Variants in PHC2 observed in about 807,000 individuals in gnomAD.
PHC2 encodes the protein polyhomeotic-like protein 2.
PHC2 carries 29 observed loss-of-function variants against 87.4 expected under a neutral mutation model. That is an observed-to-expected ratio of 0.33 (90% confidence interval 0.25 to 0.45). PHC2 has a LOEUF of 0.45. PHC2 is among the 20% of genes least tolerant of loss of function. The pLI is 1.00. For synonymous variants in PHC2, 438 were observed against 461.7 expected (o/e 0.95, Z 0.66); for missense variants, 857 against 1,136.7 (o/e 0.75, Z 3.54).
At chr1:33,338,550 CCT>C (rs1646684388) in intron 9 of PHC2, among the ~76,000 whole-genome samples, 1 of 152,218 alleles carries the variant, frequency 6.6e-6, no homozygotes, top group Admixed American at 6.5e-5. Context: ...AATCTCGCCC[CCT>C]GCCAAGCTCA....
intron 9 of PHC2, among the ~76,000 whole-genome samples, chr1:33,341,734 A>G (rs1253185741): frequency 6.6e-6 from 1 of 152,258 alleles, no homozygotes; most frequent in Non-Finnish European, 1.5e-5. Context: ...TACAGATTGT[A>G]AAAGTGTGCA....
intron 10 of PHC2, 194 bp downstream of exon 10, chr1:33,333,896 C>T: frequency 1.7e-6 from 1 of 577,544 alleles, no homozygotes; most frequent in Non-Finnish European, 3.0e-6. Context: ...TATTCCTGAT[C>T]ACTGACCCCC....
chr1:33,323,651 AAAC>A lies in PHC2; in HGVS notation c.*1211_*1213del, dbSNP rs1286598980. On this transcript the variant is annotated 3_prime_UTR_variant, in exon 15 of 15. Coordinates refer to ENST00000683057, the MANE Select transcript of PHC2 (RefSeq NM_001385109.1). ...CAGATTTTACAGATTTATTTTTAAA[AAAC>A]AAAACAAAGGTTAAAAAAGTCCTTC... 3 of 152,476 alleles carry A rather than the reference AAAC, an allele frequency of 2.0e-5. No individual in the cohort carries two copies. Among genetic ancestry groups the A allele is most frequent in the Non-Finnish European group, 2.9e-5 (2 of 68,044 alleles). The allele number at this position is 152,476 out of a possible 1,614,324, so 9.4% of individuals were successfully genotyped here. A position where few individuals can be genotyped will look rare whatever the true frequency, so the allele number is the denominator to read the frequency against.
intron 7 of PHC2, among the ~76,000 whole-genome samples, chr1:33,355,817 A>G (rs1647060242): frequency 6.6e-6 from 1 of 152,238 alleles, no homozygotes; most frequent in Non-Finnish European, 1.5e-5. Flanking sequence ...TTATATACCA[A>G]GGGACCTGGA....
rs1647343961 is a variant in PHC2 at position 33,364,648 on chromosome 1, A to G, written c.976+2468T>C. Among the ~76,000 whole-genome samples, 1 of 152,054 alleles carries G rather than the reference A, an allele frequency of 6.6e-6. No individual in the cohort carries two copies. The highest frequency in any genetic ancestry group is 2.1e-4 in the South Asian group (1 of 4,828). On this transcript the variant is annotated intron_variant, in intron 7 of 14. Coordinates refer to ENST00000683057, the MANE Select transcript of PHC2 (RefSeq NM_001385109.1). This position sits in a 1 kb window ranked among gnomAD's most constrained non-coding sequence, Gnocchi z 4.1. ...CTAAAACTCCCCAGCTGCCTTCCAT[A>G]TGGGAGGTGGGAGTGGGGCAGCGCC...
Position 33,349,892 on chromosome 1 carries a change from G to C in PHC2, c.1558+4509C>G, listed in dbSNP as rs1418997747. The C allele has an allele frequency of 1.0e-6, 1 of 976,598 alleles. No homozygotes were observed. Among genetic ancestry groups the C allele is most frequent in the African/African-American group, 1.8e-5 (1 of 55,938 alleles). 60.5% of individuals were successfully genotyped at this position (976,598 alleles called of 1,614,324 possible). A position where few individuals can be genotyped will look rare whatever the true frequency, so the allele number is the denominator to read the frequency against. On this transcript the variant is annotated intron_variant, in intron 9 of 14. Transcript: ENST00000683057. This position sits in a 1 kb window ranked among gnomAD's most constrained non-coding sequence, Gnocchi z 4.2. ...GCTCGAGGGCTGCAGCCGCCGCGGA[G>C]ACAATGCGGCGAGTCTGGGACGGCT... is the stretch of plus-strand genomic sequence containing the variant.
chr1:33,410,655 G>C (rs902485108), intron 1 of PHC2, among the ~76,000 whole-genome samples: 3 of 152,160 alleles, frequency 2.0e-5, no homozygotes, highest in East Asian at 1.9e-4. Flanking sequence ...TAAGCCTTTA[G>C]GGATCAAGGG....
In PHC2 at chr1:33,375,467, T is replaced by C. The variant is rs982056475; in HGVS notation, c.73A>G (p.Ser25Gly). Reference sequence around the variant, plus strand: ...CTGCTGTTGTTGCAGCCACTGCTGCTACTGGCCCCGCTGGTACTGCTGGTG... The same window carrying C: ...CTGCTGTTGTTGCAGCCACTGCTGCCACTGGCCCCGCTGGTACTGCTGGTG... The part of the protein sequence containing the change: ...CATSSTSGAS[S>G]SSGCNNSSSG... The change falls in exon 2 of 15, where the codon AGC (serine) becomes GGC (glycine). Residue 25 changes from serine to glycine, a missense_variant. Ser to Gly is a moderately conservative substitution (Grantham distance 56). Transcript: ENST00000683057. 1.9e-6 allele frequency: 3 copies of C among 1,612,494 alleles called. No homozygotes were observed. Among genetic ancestry groups the C allele is most frequent in the East Asian group, 2.2e-5 (1 of 44,710 alleles).
intron 1 of PHC2, among the ~76,000 whole-genome samples, chr1:33,375,903 TA>T (rs1407198689): frequency 6.6e-6 from 1 of 152,174 alleles, no homozygotes; most frequent in Non-Finnish European, 1.5e-5. Context: ...TGCTACTTTA[TA>T]TTAGGGACTT....
intron 1 of PHC2, among the ~76,000 whole-genome samples, chr1:33,429,698 T>C (rs1306533909): frequency 6.6e-6 from 1 of 152,230 alleles, no homozygotes; most frequent in East Asian, 1.9e-4. Flanking sequence ...CATCTTTGCA[T>C]CCCCAAGACA....
At chr1:33,424,840 G>A (rs1650603867) in intron 1 of PHC2, among the ~76,000 whole-genome samples, 1 of 152,056 alleles carries the variant, frequency 6.6e-6, no homozygotes, top group Non-Finnish European at 1.5e-5. Flanking sequence ...ATAAGGCCCT[G>A]GAAGATAAAA....
chr1:33,420,385 G>T (rs988751898), intron 1 of PHC2, among the ~76,000 whole-genome samples: 1 of 152,108 alleles, frequency 6.6e-6, no homozygotes, highest in Non-Finnish European at 1.5e-5. Context: ...TACTAAGGTC[G>T]CTAGTAAGAA....
intron 1 of PHC2, among the ~76,000 whole-genome samples, chr1:33,390,159 G>A (rs773423467): frequency 1.8e-4 from 28 of 152,262 alleles, no homozygotes; most frequent in Non-Finnish European, 3.4e-4. Flanking sequence ...GCAACCATGG[G>A]GCAGGTGGAA....
Position 33,382,323 on chromosome 1 carries a change from C to G in PHC2, c.-54-6730G>C, listed in dbSNP as rs185292724. On this transcript the variant is annotated intron_variant, in intron 1 of 14. Coordinates refer to ENST00000683057, the MANE Select transcript of PHC2 (RefSeq NM_001385109.1). The surrounding 1 kb of genome is among the most constrained non-coding windows in gnomAD (Gnocchi z 4.3). The stretch of plus-strand genomic sequence containing the variant: ...AGGCATCTGTGGACTCTCCTTACAT[C>G]CTTCCCTCTGGTGACCCACATTAGA... Among the ~76,000 whole-genome samples, 2 of 152,224 alleles carry G rather than the reference C, an allele frequency of 1.3e-5. No homozygotes were observed. Among genetic ancestry groups the G allele is most frequent in the Admixed American group, 6.5e-5 (1 of 15,284 alleles).
rs969709943 is a variant in PHC2 at position 33,332,794 on chromosome 1, G to C, written c.1762-390C>G. On this transcript the variant is annotated intron_variant, in intron 10 of 14. Transcript: ENST00000683057. The surrounding 1 kb of genome is among the most constrained non-coding windows in gnomAD (Gnocchi z 4.2). ...TCTGTGTGAGGCTGTACATACGAGA[G>C]AGAGACTCAGCACCCATTTTCTGAT... is the stretch of plus-strand genomic sequence containing the variant. Among the ~76,000 whole-genome samples, 1 of 152,100 alleles carries C rather than the reference G, an allele frequency of 6.6e-6. No individual in the cohort carries two copies. Among genetic ancestry groups the C allele is most frequent in the African/African-American group, 2.4e-5 (1 of 41,404 alleles).
chr1:33,375,060 G>A (rs1648090078), intron 2 of PHC2, among the ~76,000 whole-genome samples: 3 of 152,148 alleles, frequency 2.0e-5, no homozygotes, highest in African/African-American at 4.8e-5. Flanking sequence ...GTTCTTCACC[G>A]GGCAATGGTC....
chr1:33,397,582 G>C (rs1649348078), intron 1 of PHC2, among the ~76,000 whole-genome samples: 1 of 152,128 alleles, frequency 6.6e-6, no homozygotes, highest in Admixed American at 6.5e-5. Flanking sequence ...TCCTGACTCT[G>C]AGACTGGTCC....
At chr1:33,346,010 G>A (rs1646838640) in intron 9 of PHC2, 1 of 985,092 alleles carries the variant, frequency 1.0e-6, no homozygotes, top group Non-Finnish European at 1.2e-6. Context: ...GTTTTAACTG[G>A]TGACTCATAG....
chr1:33,419,105 GAATA>G (rs1173370994), intron 1 of PHC2, among the ~76,000 whole-genome samples: 10 of 152,322 alleles, frequency 6.6e-5, no homozygotes, highest in African/African-American at 4.8e-5. Flanking sequence ...TTGCTATGAA[GAATA>G]AATGAGTAAA....
Sources: allele counts gnomAD v4.1 joint callset (sites outside exome capture counted in the v4.1 genomes callset), GRCh38; gene constraint gnomAD v4.1.1; non-coding constraint Gnocchi (gnomAD v3.1); transcripts MANE v1.5; gene names NCBI Gene and HGNC (gene_info 2026-07-23, HGNC 2026-07-21).